GHR: variants seen among roughly 807,000 people sequenced by gnomAD.
GHR encodes GH receptor.
GHR carries 35 observed loss-of-function variants against 67.1 expected under a neutral mutation model. The ratio of observed to expected loss-of-function variants is 0.52; its 90% CI spans 0.40 to 0.69. The LOEUF is 0.69. GHR is among the 30% of genes least tolerant of loss of function. GHR has a pLI of 0.00. For missense variants in GHR, 792 were observed against 764.6 expected, an observed-to-expected ratio of 1.04 and a Z score of -0.42; for synonymous variants, 272 against 269.1, an observed-to-expected ratio of 1.01 and a Z score of -0.10.
At chr5:42,709,155 C>G (rs556717787) in intron 6 of GHR, among the ~76,000 whole-genome samples, 2 of 151,998 alleles carry the variant, frequency 1.3e-5, no homozygotes, top group Non-Finnish European at 2.9e-5. Context: ...TTCTCCCCCC[C>G]ACAGGATCTT....
At chr5:42,576,816 A>T (rs1404302843) in intron 2 of GHR, among the ~76,000 whole-genome samples, 1 of 152,230 alleles carries the variant, frequency 6.6e-6, no homozygotes, top group African/African-American at 2.4e-5. Flanking sequence ...AATAAAATTA[A>T]ATCTGATTAA....
intron 1 of GHR, among the ~76,000 whole-genome samples, chr5:42,511,630 T>C (rs1260185269): frequency 6.6e-6 from 1 of 152,220 alleles, no homozygotes; most frequent in Non-Finnish European, 1.5e-5. Context: ...GTTATCTGGC[T>C]GTTTTTTATT....
chr5:42,608,657 A>G (rs2112663920), intron 2 of GHR, among the ~76,000 whole-genome samples: 1 of 152,336 alleles, frequency 6.6e-6, no homozygotes, highest in South Asian at 2.1e-4. Flanking sequence ...TAAAATCCTC[A>G]GTCTTCATAT....
intron 1 of GHR, among the ~76,000 whole-genome samples, chr5:42,560,875 C>T (rs1405991724): frequency 6.6e-6 from 1 of 152,148 alleles, no homozygotes; most frequent in African/African-American, 2.4e-5. Flanking sequence ...CAAATCTTAT[C>T]AATACTTCTC....
intron 1 of GHR, among the ~76,000 whole-genome samples, chr5:42,469,802 A>G (rs1172114995): frequency 6.6e-6 from 1 of 152,162 alleles, no homozygotes; most frequent in African/African-American, 2.4e-5. Context: ...TTTGGACTTT[A>G]CCTGGGCTGT....
chr5:42,607,841 T>C (rs906250454), intron 2 of GHR, among the ~76,000 whole-genome samples: 6 of 152,222 alleles, frequency 3.9e-5, no homozygotes, highest in African/African-American at 1.4e-4. Flanking sequence ...TACTACCAAC[T>C]TCTTACAGAA....
chr5:42,438,770 A>T (rs1175997113), intron 1 of GHR, among the ~76,000 whole-genome samples: 1 of 152,140 alleles, frequency 6.6e-6, no homozygotes, highest in African/African-American at 2.4e-5. Context: ...GTAAAATTCA[A>T]GATGGAGCCT....
chr5:42,620,665 AT>A (rs942963205), intron 2 of GHR, among the ~76,000 whole-genome samples: 10 of 151,920 alleles, frequency 6.6e-5, no homozygotes, highest in Non-Finnish European at 1.3e-4. Context: ...GGACTTGCTA[AT>A]TTTTTTTGGT....
Position 42,570,291 on chromosome 5 carries a change from A to G in GHR, c.70+4347A>G, listed in dbSNP as rs138229025. 3.9e-5 allele frequency among the ~76,000 whole-genome samples: 6 copies of G among 152,320 alleles called. No homozygotes were observed. The East Asian group carries it at 1.2e-3, about 29-fold the overall frequency. On this transcript the variant is annotated intron_variant, in intron 2 of 9. Coordinates refer to ENST00000230882, the MANE Select transcript of GHR (RefSeq NM_000163.5). Reference sequence around the variant, plus strand: ...CACCATAATCCAGAGGCAAGAAGAAATCTTATGGTGTGTTCTAGTGCAATG... The same window carrying G: ...CACCATAATCCAGAGGCAAGAAGAAGTCTTATGGTGTGTTCTAGTGCAATG...
intron 3 of GHR, among the ~76,000 whole-genome samples, chr5:42,640,489 A>T (rs1017943447): frequency 5.3e-5 from 8 of 152,010 alleles, no homozygotes; most frequent in Non-Finnish European, 8.8e-5. Flanking sequence ...TATTATTATT[A>T]CTACTCCTGG....
chr5:42,509,506 A>G (rs1264292929), intron 1 of GHR, among the ~76,000 whole-genome samples: 1 of 152,182 alleles, frequency 6.6e-6, no homozygotes, highest in East Asian at 1.9e-4. Flanking sequence ...TACTCCTCCC[A>G]GTCTCAGTGA....
At chr5:42,713,787 G>C in intron 8 of GHR, 1 of 379,188 alleles carries the variant, frequency 2.6e-6, no homozygotes, top group East Asian at 5.6e-5. Context: ...CATACCTTGT[G>C]ATATGTACCT....
chr5:42,490,752 T>G (rs1579808000), intron 1 of GHR, among the ~76,000 whole-genome samples: 1 of 152,242 alleles, frequency 6.6e-6, no homozygotes, highest in South Asian at 2.1e-4. Flanking sequence ...CAAGTATGTG[T>G]GCTGAAGTAT....
rs573870492 is a variant in GHR at position 42,664,598 on chromosome 5, A to G, written c.137-24292A>G. Reference sequence around the variant, plus strand: ...CACCTTATACAAAAATTAATTCAAGATGGAGTAAAGACTTAAATGTTAGAC... The same window carrying G: ...CACCTTATACAAAAATTAATTCAAGGTGGAGTAAAGACTTAAATGTTAGAC... On this transcript the variant is annotated intron_variant, in intron 3 of 9. Coordinates refer to ENST00000230882, the MANE Select transcript of GHR (RefSeq NM_000163.5). Among the ~76,000 whole-genome samples the G allele has an allele frequency of 2.0e-4, 30 of 152,328 alleles. No individual in the cohort carries two copies. The East Asian group carries it at 5.2e-3, about 26-fold the overall frequency.
intron 1 of GHR, among the ~76,000 whole-genome samples, chr5:42,464,230 T>A (rs1452007688): frequency 1.3e-5 from 2 of 152,110 alleles, no homozygotes; most frequent in Non-Finnish European, 2.9e-5. Context: ...ACATTTACGA[T>A]GTACATGAAC....
Position 42,424,515 on chromosome 5 carries a change from G to A in GHR, c.-12+560G>A. On this transcript the variant is annotated intron_variant, in intron 1 of 9. Transcript: ENST00000230882. The surrounding 1 kb of genome is among the most constrained non-coding windows in gnomAD (Gnocchi z 4.1). ...GCGCGCAGAGCGCGCGGTCTTTTGC[G>A]CGTTTGTGCGGGCCGCAGCCGCACG... 7.2e-7 allele frequency: 1 copy of A among 1,389,024 alleles called. No individual in the cohort carries two copies. Among genetic ancestry groups the A allele is most frequent in the Non-Finnish European group, 9.9e-7 (1 of 1,013,996 alleles). 86.0% of individuals were successfully genotyped at this position (1,389,024 alleles called of 1,614,324 possible). A position where few individuals can be genotyped will look rare whatever the true frequency, so the allele number is the denominator to read the frequency against.
chr5:42,698,862 C>T (rs969242170), intron 5 of GHR, among the ~76,000 whole-genome samples: 2 of 152,180 alleles, frequency 1.3e-5, no homozygotes, highest in African/African-American at 4.8e-5. Flanking sequence ...TTACCAGGAA[C>T]TCTCTAGAAT....
intron 1 of GHR, among the ~76,000 whole-genome samples, chr5:42,429,733 G>A (rs1048806346): frequency 2.0e-5 from 3 of 152,090 alleles, no homozygotes; most frequent in African/African-American, 7.2e-5. Flanking sequence ...TCCCTATCAA[G>A]GAATATCAAC....
In GHR at chr5:42,424,684, G is replaced by A. The variant is rs1340486393; in HGVS notation, c.-12+729G>A. The A allele has an allele frequency of 7.8e-7, 1 of 1,277,520 alleles. No individual in the cohort carries two copies. Among genetic ancestry groups the A allele is most frequent in the Admixed American group, 2.0e-5 (1 of 50,676 alleles). 79.1% of individuals were successfully genotyped at this position (1,277,520 alleles called of 1,614,324 possible). A position where few individuals can be genotyped will look rare whatever the true frequency, so the allele number is the denominator to read the frequency against. The stretch of plus-strand genomic sequence containing the variant: ...ATCAACCAGGCTTAAAGTTTTGACA[G>A]AACTGCCAGAGGCTGCGGGTCAATG... On this transcript the variant is annotated intron_variant, in intron 1 of 9. Coordinates refer to ENST00000230882, the MANE Select transcript of GHR (RefSeq NM_000163.5). This position sits in a 1 kb window ranked among gnomAD's most constrained non-coding sequence, Gnocchi z 4.1.
Sources: gnomAD v4.1 joint callset for allele counts (sites outside exome capture counted in the v4.1 genomes callset) on GRCh38, gnomAD v4.1.1 for gene constraint, Gnocchi (gnomAD v3.1) non-coding constraint, MANE v1.5 for transcripts, NCBI Gene and HGNC (gene_info 2026-07-23, HGNC 2026-07-21) for gene names.